HPSE2: variants seen among roughly 807,000 people sequenced by gnomAD.
HPSE2 encodes the protein heparanase 2 (inactive).
HPSE2 carries 38 observed loss-of-function variants against 60.5 expected under a neutral mutation model. The observed-to-expected ratio is 0.63, with a 90% CI of 0.48 to 0.82. HPSE2 has a LOEUF of 0.82. Among genes scored for constraint, HPSE2 ranks in the 40% least tolerant of loss-of-function variants. The pLI is 0.00. For missense variants in HPSE2, 713 were observed against 740.4 expected (o/e 0.96, Z 0.43); for synonymous variants, 295 against 293.2 (o/e 1.01, Z -0.06).
intron 3 of HPSE2, among the ~76,000 whole-genome samples, chr10:98,793,267 C>G (rs149852630): frequency 1.1e-3 from 171 of 152,334 alleles, no homozygotes; most frequent in African/African-American, 3.8e-3. Flanking sequence ...CCAGTTACTG[C>G]TACTGTTACA....
At chr10:99,163,166 T>C (rs377327296) in intron 2 of HPSE2, among the ~76,000 whole-genome samples, 4 of 150,874 alleles carry the variant, frequency 2.7e-5, no homozygotes, top group African/African-American at 9.8e-5. Flanking sequence ...AGCCAAGATC[T>C]CGCCACTGCA....
intron 6 of HPSE2, among the ~76,000 whole-genome samples, chr10:98,661,844 G>A (rs1947232063): frequency 6.6e-6 from 1 of 152,182 alleles, no homozygotes; most frequent in South Asian, 2.1e-4. Flanking sequence ...GCAGCTGTGT[G>A]GCCTTGGGCA....
intron 3 of HPSE2, among the ~76,000 whole-genome samples, chr10:99,085,346 T>C (rs2135583557): frequency 6.6e-6 from 1 of 152,364 alleles, no homozygotes; most frequent in East Asian, 1.9e-4. Context: ...CAAGGCCCAG[T>C]ATGTCCCAGC....
intron 3 of HPSE2, among the ~76,000 whole-genome samples, chr10:98,935,110 C>T (rs886182480): frequency 7.1e-6 from 1 of 141,800 alleles, no homozygotes; most frequent in South Asian, 2.1e-4. Flanking sequence ...ACAAAGTTCT[C>T]GTGTTGTGTT....
At chr10:99,060,700 T>C (rs1371397132) in intron 3 of HPSE2, among the ~76,000 whole-genome samples, 2 of 144,644 alleles carry the variant, frequency 1.4e-5, no homozygotes, top group Non-Finnish European at 3.0e-5. Flanking sequence ...GCAATCTAAG[T>C]GTCCATCAAC....
Position 99,072,927 on chromosome 10 carries a change from CAAAAAAAAAAAAAAAAAAAAA to C in HPSE2, c.610+71290_610+71310del, listed in dbSNP as rs770699941. Reference sequence around the variant, plus strand: ...CTGGTGACAGAGCCAGGCTCCGTCTCAAAAAAAAAAAAAAAAAAAAAAAAAAAAAAAAAAAAGACAAGAAAC... The same window carrying C: ...CTGGTGACAGAGCCAGGCTCCGTCTCAAAAAAAAAAAAAAAGACAAGAAAC... On this transcript the variant is annotated intron_variant, in intron 3 of 11. Transcript: ENST00000370552. 1.5e-3 allele frequency among the ~76,000 whole-genome samples: 135 copies of C among 88,024 alleles called. 2 individuals carry two copies. Among genetic ancestry groups the C allele is most frequent in the Non-Finnish European group, 1.5e-3 (72 of 49,298 alleles). 57.7% of individuals were successfully genotyped at this position (88,024 alleles called of 152,430 possible).
chr10:98,505,605 T>A (rs1314909017), intron 9 of HPSE2, among the ~76,000 whole-genome samples: 1 of 152,212 alleles, frequency 6.6e-6, no homozygotes, highest in Non-Finnish European at 1.5e-5. Context: ...TCCTTCCCTA[T>A]AACTAGTTCA....
chr10:99,115,047 A>G (rs1844627031), intron 3 of HPSE2, among the ~76,000 whole-genome samples: 1 of 151,664 alleles, frequency 6.6e-6, no homozygotes, highest in Non-Finnish European at 1.5e-5. Flanking sequence ...AGTGGCAGGA[A>G]CATAGTTGGC....
chr10:98,895,991 C>T lies in HPSE2; in HGVS notation c.611-151935G>A, dbSNP rs528803547. Among the ~76,000 whole-genome samples, 170 of 149,652 alleles carry T rather than the reference C, an allele frequency of 1.1e-3. 2 individuals carry two copies. Among genetic ancestry groups the T allele is most frequent in the African/African-American group, 4.0e-3 (162 of 40,706 alleles). ...AGGAGATATGCCTAATGCTAAATGACGAGTTAATGGGTACAGCACACCAGC... is the reference window on the plus strand; with the variant it reads ...AGGAGATATGCCTAATGCTAAATGATGAGTTAATGGGTACAGCACACCAGC... On this transcript the variant is annotated intron_variant, in intron 3 of 11. Transcript: ENST00000370552.
At chr10:98,531,204 G>A (rs915102881) in intron 9 of HPSE2, among the ~76,000 whole-genome samples, 3 of 152,190 alleles carry the variant, frequency 2.0e-5, no homozygotes, top group African/African-American at 7.2e-5. Context: ...AGGGAGCACA[G>A]AGGTAGGAAC....
At position 98,603,127 on chromosome 10, in the gene HPSE2, A is replaced by G. The variant is rs1945474715; in HGVS notation, c.1320+11777T>C. On this transcript the variant is annotated intron_variant, in intron 9 of 11. Coordinates refer to ENST00000370552, the MANE Select transcript of HPSE2 (RefSeq NM_021828.5). ...CAACAATTTTTCTTGGATCCATTAG[A>G]GAGGTGAGGACACAGGGCAAACCAC... 2.6e-5 allele frequency among the ~76,000 whole-genome samples: 4 copies of G among 152,194 alleles called. No individual in the cohort carries two copies. The South Asian group carries it at 8.3e-4, about 31-fold the overall frequency.
At chr10:99,050,307 A>C (rs1442056298) in intron 3 of HPSE2, among the ~76,000 whole-genome samples, 1 of 152,056 alleles carries the variant, frequency 6.6e-6, no homozygotes, top group Non-Finnish European at 1.5e-5. Flanking sequence ...GTCTCAAAAA[A>C]AAAAAACCCC....
intron 8 of HPSE2, among the ~76,000 whole-genome samples, chr10:98,617,062 T>C (rs1007548399): frequency 6.6e-6 from 1 of 152,196 alleles, no homozygotes; most frequent in Non-Finnish European, 1.5e-5. Context: ...CAAATTGTCT[T>C]ATTCAACTTT....
chr10:98,806,041 G>C (rs1032924230), intron 3 of HPSE2, among the ~76,000 whole-genome samples: 1 of 152,248 alleles, frequency 6.6e-6, no homozygotes, highest in African/African-American at 2.4e-5. Context: ...AATCATAAAG[G>C]CTTTCAGTGC....
At chr10:98,927,221 T>G (rs12571891) in intron 3 of HPSE2, among the ~76,000 whole-genome samples, 4,016 of 152,182 alleles carry the variant, frequency 0.026, 129 homozygotes, top group East Asian at 0.15. Context: ...AGTCTCCCAT[T>G]ATTAATGTGT....
chr10:99,156,561 T>G (rs892271351), intron 2 of HPSE2, among the ~76,000 whole-genome samples: 4 of 131,444 alleles, frequency 3.0e-5, no homozygotes, highest in African/African-American at 1.0e-4. Context: ...CCCTTCATGC[T>G]AAAAACTCTC....
the HPSE2 span, among the ~76,000 whole-genome samples, chr10:99,311,118 T>C: frequency 6.6e-6 from 1 of 152,214 alleles, no homozygotes; most frequent in Non-Finnish European, 1.5e-5. Context: ...TATTTTAACT[T>C]TTTTGACCAT....
chr10:99,231,118 C>T (rs562092813), intron 2 of HPSE2, among the ~76,000 whole-genome samples: 4 of 152,240 alleles, frequency 2.6e-5, no homozygotes, highest in Non-Finnish European at 5.9e-5. Flanking sequence ...ACTCAAGAAG[C>T]CTTAGCCTTG....
intron 2 of HPSE2, among the ~76,000 whole-genome samples, chr10:99,191,577 ATGCAGATATAGC>A (rs1848224420): frequency 6.6e-6 from 1 of 152,228 alleles, no homozygotes; most frequent in South Asian, 2.1e-4. Flanking sequence ...GTGCCCCCTC[ATGCAGATATAGC>A]TGCAGTGACC....
Sources: allele counts gnomAD v4.1 joint callset (sites outside exome capture counted in the v4.1 genomes callset), GRCh38; gene constraint gnomAD v4.1.1; transcripts MANE v1.5; gene names NCBI Gene and HGNC (gene_info 2026-07-23, HGNC 2026-07-21).